The following LARGE1 variants were observed in gnomAD, a reference collection of about 807,000 sequenced individuals.
The protein encoded by LARGE1 is LARGE xylosyl- and glucuronyltransferase 1, also known as xylosyl- and glucuronyltransferase LARGE1.
In LARGE1, 43 loss-of-function variants were observed where a neutral mutation model predicts 87.6. That is an observed-to-expected ratio of 0.49 (90% CI 0.38 to 0.63). The LOEUF is 0.63. Ranked by LOEUF, LARGE1 falls within the 30% of genes least tolerant of loss-of-function variation. The pLI is 0.00. For synonymous variants in LARGE1, 434 were observed against 394.6 expected (o/e 1.10, Z -1.18); for missense variants, 802 against 1,000.2 (o/e 0.80, Z 2.67).
intron 2 of LARGE1, among the ~76,000 whole-genome samples, chr22:33,652,203 C>CA (rs762342951): frequency 6.6e-6 from 1 of 151,796 alleles, no homozygotes; most frequent in Non-Finnish European, 1.5e-5. Flanking sequence ...AAAAACAACA[C>CA]AAAAAACTGA....
chr22:33,220,818 A>G (rs2145622161), intron 11 of LARGE1, among the ~76,000 whole-genome samples: 2 of 152,298 alleles, frequency 1.3e-5, no homozygotes, highest in South Asian at 4.1e-4. Context: ...ATCTCCTGGA[A>G]GAGCTTTCAG....
chr22:33,504,560 C>G (rs963910624), intron 6 of LARGE1, among the ~76,000 whole-genome samples: 1 of 152,142 alleles, frequency 6.6e-6, no homozygotes, highest in Non-Finnish European at 1.5e-5. Flanking sequence ...GGAAATATAT[C>G]TTTTTTAAAA....
intron 6 of LARGE1, among the ~76,000 whole-genome samples, chr22:33,532,720 T>C (rs1034530834): frequency 6.6e-6 from 1 of 152,260 alleles, no homozygotes; most frequent in African/African-American, 2.4e-5. Context: ...ACATTCAGAC[T>C]GTGCTGATTT....
chr22:33,835,266 T>G (rs1427151850), intron 1 of LARGE1, among the ~76,000 whole-genome samples: 2 of 152,220 alleles, frequency 1.3e-5, no homozygotes, highest in Non-Finnish European at 2.9e-5. Context: ...GTCCTGTCAT[T>G]TACAATTCTA....
intron 6 of LARGE1, among the ~76,000 whole-genome samples, chr22:33,518,376 T>TTG (rs564714059): frequency 9.5e-4 from 144 of 152,340 alleles, no homozygotes; most frequent in African/African-American, 3.0e-3. Context: ...TGGAGTGCAG[T>TTG]GACACCATCT....
intron 3 of LARGE1, among the ~76,000 whole-genome samples, chr22:33,636,572 G>C (rs540813690): frequency 7.6e-4 from 115 of 152,300 alleles, no homozygotes; most frequent in Middle Eastern, 3.4e-3. Flanking sequence ...CCGTCACCCA[G>C]GCTGGAGTGC....
chr22:33,449,683 C>G (rs1463276474), intron 6 of LARGE1, among the ~76,000 whole-genome samples: 1 of 152,212 alleles, frequency 6.6e-6, no homozygotes, highest in African/African-American at 2.4e-5. Flanking sequence ...GTTAGGCTGC[C>G]TGGTATATAT....
rs188496007 is a variant in LARGE1 at position 33,522,948 on chromosome 22, C to T, written c.787+41900G>A. ...GCTTGAGCCCGGGAGGTAGAGGCTG[C>T]GGTGAGCCAAGACTGCATCACTGTA... On this transcript the variant is annotated intron_variant, in intron 6 of 14. Coordinates refer to ENST00000397394, the MANE Select transcript of LARGE1 (RefSeq NM_133642.5). 2.0e-3 allele frequency among the ~76,000 whole-genome samples: 303 copies of T among 152,118 alleles called. 2 individuals carry two copies. The highest frequency in any genetic ancestry group is 1.9e-4 in the East Asian group (1 of 5,150).
At chr22:33,279,088 C>T (rs1038757522) in intron 13 of LARGE1, among the ~76,000 whole-genome samples, 3 of 152,092 alleles carry the variant, frequency 2.0e-5, no homozygotes, top group Non-Finnish European at 2.9e-5. Flanking sequence ...AACAATTGTG[C>T]ACTAAACTGA....
chr22:33,209,763 A>G (rs1924865930), intron 11 of LARGE1, among the ~76,000 whole-genome samples: 1 of 152,128 alleles, frequency 6.6e-6, no homozygotes, highest in African/African-American at 2.4e-5. Flanking sequence ...CTCCCACCTC[A>G]GCTTCCTGAG....
intron 6 of LARGE1, among the ~76,000 whole-genome samples, chr22:33,481,353 A>G (rs373310678): frequency 1.3e-4 from 20 of 151,234 alleles, no homozygotes; most frequent in African/African-American, 4.6e-4. Flanking sequence ...GTGTTAAATG[A>G]CTTATTTGGG....
chr22:33,303,772 C>A (rs941569654), intron 12 of LARGE1, among the ~76,000 whole-genome samples: 1 of 150,728 alleles, frequency 6.6e-6, no homozygotes, highest in Non-Finnish European at 1.5e-5. Flanking sequence ...CGGGCACATG[C>A]CACCAAGCCC....
chr22:33,641,166 T>C (rs772992539), intron 3 of LARGE1, among the ~76,000 whole-genome samples: 1 of 152,124 alleles, frequency 6.6e-6, no homozygotes, highest in Non-Finnish European at 1.5e-5. Flanking sequence ...AACGGGCGGG[T>C]GCCCCTCTGG....
chr22:33,291,797 A>G (rs1932634047), intron 12 of LARGE1, among the ~76,000 whole-genome samples: 1 of 152,090 alleles, frequency 6.6e-6, no homozygotes, highest in Admixed American at 6.6e-5. Context: ...GCAGTGTTCA[A>G]AGAACCATCT....
intron 2 of LARGE1, among the ~76,000 whole-genome samples, chr22:33,739,360 C>T (rs1270862304): frequency 2.6e-5 from 4 of 152,182 alleles, no homozygotes; most frequent in Non-Finnish European, 5.9e-5. Flanking sequence ...CCTCAGTTCA[C>T]AGCTAACTGC....
intron 2 of LARGE1, among the ~76,000 whole-genome samples, chr22:33,699,321 GA>G (rs1355800181): frequency 6.6e-6 from 1 of 152,228 alleles, no homozygotes; most frequent in Non-Finnish European, 1.5e-5. Context: ...AGGCTTCAGT[GA>G]AAATCCCGGA....
intron 6 of LARGE1, among the ~76,000 whole-genome samples, chr22:33,432,899 T>C (rs1395820257): frequency 1.3e-5 from 2 of 152,210 alleles, no homozygotes; most frequent in African/African-American, 4.8e-5. Context: ...CAATATCATA[T>C]CAATACAAGA....
chr22:33,850,723 G>A (rs1270262023), intron 1 of LARGE1, among the ~76,000 whole-genome samples: 1 of 152,122 alleles, frequency 6.6e-6, no homozygotes, highest in Admixed American at 6.5e-5. Context: ...GAACAACCAA[G>A]TCTGACTCAG....
At chr22:33,264,645 T>G (rs1927824636) in intron 11 of LARGE1, among the ~76,000 whole-genome samples, 1 of 152,100 alleles carries the variant, frequency 6.6e-6, no homozygotes, top group Non-Finnish European at 1.5e-5. Context: ...AGCGACAGAG[T>G]GAGACTTCAT....
Sources: allele counts gnomAD v4.1 joint callset (sites outside exome capture counted in the v4.1 genomes callset), GRCh38; gene constraint gnomAD v4.1.1; transcripts MANE v1.5; gene names NCBI Gene and HGNC (gene_info 2026-07-23, HGNC 2026-07-21).